BTBD9: variants seen among roughly 807,000 people sequenced by gnomAD.
BTBD9 encodes the protein BTB/POZ domain-containing protein 9.
A neutral mutation model predicts 64.3 loss-of-function variants in BTBD9; 49 were observed. That is an observed-to-expected ratio of 0.76 (90% CI 0.61 to 0.97). The LOEUF is 0.97. Ranked by LOEUF, BTBD9 falls within the 50% of genes least tolerant of loss-of-function variation. The pLI, the probability that BTBD9 is intolerant of heterozygous loss-of-function variation, is 0.00. For missense variants in BTBD9, 598 were observed against 762.1 expected, an observed-to-expected ratio of 0.78 and a Z score of 2.53; for synonymous variants, 260 against 274.7, an observed-to-expected ratio of 0.95 and a Z score of 0.53.
At chr6:38,302,485 G>GTGTATATATATATATATATATATA (rs1554137022) in intron 7 of BTBD9, among the ~76,000 whole-genome samples, 1 of 106,908 alleles carries the variant, frequency 9.4e-6, no homozygotes, top group Non-Finnish European at 1.9e-5. Context: ...TTGTGTGTAT[G>GTGTATATATATATATATATATATA]TATATATATA....
At chr6:38,622,171 G>T (rs1297708611) in intron 1 of BTBD9, among the ~76,000 whole-genome samples, 1 of 152,232 alleles carries the variant, frequency 6.6e-6, no homozygotes, top group Admixed American at 6.5e-5. Context: ...TGTGAGGTGT[G>T]CCAAAGGATA....
chr6:38,510,005 T>C (rs1772709163), intron 6 of BTBD9, among the ~76,000 whole-genome samples: 1 of 152,238 alleles, frequency 6.6e-6, no homozygotes, highest in African/African-American at 2.4e-5. Flanking sequence ...ATGCAAATCC[T>C]ACAGTTGGCT....
At chr6:38,556,544 TGTGTGTGAGA>T (rs774252899) in intron 6 of BTBD9, among the ~76,000 whole-genome samples, 1,203 of 63,194 alleles carry the variant, frequency 0.019, 19 homozygotes, top group African/African-American at 0.065. Context: ...TGTGTGTGTG[TGTGTGTGAGA>T]GAGAGAGAGA....
At chr6:38,225,612 T>C (rs770809372) in intron 9 of BTBD9, among the ~76,000 whole-genome samples, 1 of 152,170 alleles carries the variant, frequency 6.6e-6, no homozygotes, top group Non-Finnish European at 1.5e-5. Context: ...TAATGCCTAA[T>C]GGAAAAACTT....
intron 4 of BTBD9, among the ~76,000 whole-genome samples, chr6:38,589,289 T>A (rs1442475328): frequency 6.6e-6 from 1 of 152,218 alleles, no homozygotes; most frequent in African/African-American, 2.4e-5. Context: ...ACTGACCAGT[T>A]GATCAATTCC....
At position 38,489,234 on chromosome 6, in the gene BTBD9, T is replaced by C. The variant is rs192371637; in HGVS notation, c.1154+88366A>G. Among the ~76,000 whole-genome samples the C allele has an allele frequency of 1.9e-3, 285 of 152,198 alleles. 1 individual carries two copies. The highest frequency in any genetic ancestry group is 6.5e-3 in the African/African-American group (270 of 41,524). On this transcript the variant is annotated intron_variant, in intron 6 of 10. Coordinates refer to ENST00000481247, the MANE Select transcript of BTBD9 (RefSeq NM_001099272.2). Reference sequence around the variant, plus strand: ...TAAAAATGCAGATACACATATGCCATTTGAAAAATTAGAATATTCCCAGAA... The same window carrying C: ...TAAAAATGCAGATACACATATGCCACTTGAAAAATTAGAATATTCCCAGAA...
chr6:38,253,135 C>CAA (rs749129474), intron 9 of BTBD9, among the ~76,000 whole-genome samples: 27 of 151,890 alleles, frequency 1.8e-4, no homozygotes, highest in Middle Eastern at 3.2e-3. Flanking sequence ...ACAACAACAA[C>CAA]AACAACAAAA....
chr6:38,462,221 T>A (rs1182686867), intron 6 of BTBD9, among the ~76,000 whole-genome samples: 1 of 152,208 alleles, frequency 6.6e-6, no homozygotes, highest in Admixed American at 6.5e-5. Flanking sequence ...ATATCTTAAA[T>A]ACGTTTGCCT....
intron 4 of BTBD9, among the ~76,000 whole-genome samples, chr6:38,583,430 C>T (rs759128360): frequency 2.6e-5 from 4 of 152,002 alleles, no homozygotes; most frequent in Non-Finnish European, 5.9e-5. Context: ...ACCCAGGAGG[C>T]GGAGGTTGTA....
At chr6:38,573,541 C>A (rs530720056) in intron 6 of BTBD9, among the ~76,000 whole-genome samples, 1 of 152,204 alleles carries the variant, frequency 6.6e-6, no homozygotes, top group East Asian at 1.9e-4. Flanking sequence ...GAAGTAAATA[C>A]CTCTCCCACC....
intron 8 of BTBD9, among the ~76,000 whole-genome samples, chr6:38,261,683 G>A (rs1764799827): frequency 1.3e-5 from 2 of 152,030 alleles, no homozygotes; most frequent in Middle Eastern, 3.2e-3. Flanking sequence ...CTAGTCTATC[G>A]ATCTTTACCT....
At chr6:38,359,720 A>G (rs1371671020) in intron 6 of BTBD9, among the ~76,000 whole-genome samples, 1 of 152,130 alleles carries the variant, frequency 6.6e-6, no homozygotes, top group African/African-American at 2.4e-5. Context: ...AAGGTGGGGG[A>G]AAGTTGAACC....
At chr6:38,308,051 T>C (rs1762691587) in intron 7 of BTBD9, among the ~76,000 whole-genome samples, 3 of 152,208 alleles carry the variant, frequency 2.0e-5, no homozygotes, top group African/African-American at 7.2e-5. Context: ...TTTCCAAAAA[T>C]AACTGTATGG....
At chr6:38,607,060 T>C (rs1240474239) in intron 1 of BTBD9, among the ~76,000 whole-genome samples, 1 of 152,200 alleles carries the variant, frequency 6.6e-6, no homozygotes, top group Non-Finnish European at 1.5e-5. Flanking sequence ...GCAAGGGTGA[T>C]AAGAATGAAA....
chr6:38,447,884 T>C (rs971015508), intron 6 of BTBD9, among the ~76,000 whole-genome samples: 2 of 152,194 alleles, frequency 1.3e-5, no homozygotes, highest in Non-Finnish European at 2.9e-5. Flanking sequence ...AAAAGTAAAT[T>C]AAAGTTTTAG....
At position 38,359,941 on chromosome 6, in the gene BTBD9, C is replaced by CA. The variant is rs71751834; in HGVS notation, c.1155-14849dup. On this transcript the variant is annotated intron_variant, in intron 6 of 10. Coordinates refer to ENST00000481247, the MANE Select transcript of BTBD9 (RefSeq NM_001099272.2). The stretch of plus-strand genomic sequence containing the variant: ...GGCTAGCAAAATTACAAATGTTAGA[C>CA]AAAAAAAAAAAAAGTACTAGTTAAA... Among the ~76,000 whole-genome samples the CA allele has an allele frequency of 2.2e-3, 260 of 119,384 alleles. 1 individual carries two copies. Among genetic ancestry groups the CA allele is most frequent in the Admixed American group, 6.7e-3 (79 of 11,812 alleles). The allele number at this position is 119,384 out of a possible 152,430, so 78.3% of individuals were successfully genotyped here.
intron 4 of BTBD9, chr6:38,588,207 T>C (rs1316918356): frequency 2.3e-6 from 2 of 862,986 alleles, no homozygotes; most frequent in African/African-American, 1.6e-5. Context: ...GTTCCAAGGA[T>C]ATGGCCAGCA....
At chr6:38,251,719 T>A (rs1582115407) in intron 9 of BTBD9, among the ~76,000 whole-genome samples, 1 of 151,962 alleles carries the variant, frequency 6.6e-6, no homozygotes, top group South Asian at 2.1e-4. Flanking sequence ...GGTGAAACCC[T>A]ATCTCTACTA....
At chr6:38,271,063 A>G (rs1003114826) in intron 8 of BTBD9, among the ~76,000 whole-genome samples, 2 of 152,216 alleles carry the variant, frequency 1.3e-5, no homozygotes, top group Admixed American at 6.5e-5. Context: ...GCACTTTTAT[A>G]AAGTATCCAT....
Sources: gnomAD v4.1 joint callset for allele counts (sites outside exome capture counted in the v4.1 genomes callset) on GRCh38, gnomAD v4.1.1 for gene constraint, MANE v1.5 for transcripts, NCBI Gene and HGNC (gene_info 2026-07-23, HGNC 2026-07-21) for gene names.